Variants in TULP4 observed in about 807,000 individuals in gnomAD.
TULP4 encodes TUB like protein 4.
A neutral mutation model predicts 129.0 loss-of-function variants in TULP4; 16 were observed. The observed-to-expected ratio is 0.12, with a 90% confidence interval of 0.08 to 0.19. The LOEUF is 0.19. Ranked by LOEUF, TULP4 falls within the 10% of genes least tolerant of loss-of-function variation. The pLI, the probability that TULP4 is intolerant of heterozygous loss-of-function variation, is 1.00. For missense variants in TULP4, 1,842 were observed against 2,059.1 expected, an observed-to-expected ratio of 0.89 and a Z score of 2.04; for synonymous variants, 998 against 854.0, an observed-to-expected ratio of 1.17 and a Z score of -2.94.
In TULP4 at chr6:158,479,928, C is replaced by G; in HGVS notation, c.1204C>G (p.Pro402Ala). 6.2e-7 allele frequency: 1 copy of G among 1,611,166 alleles called. No homozygotes were observed. Among genetic ancestry groups the G allele is most frequent in the South Asian group, 1.1e-5 (1 of 91,056 alleles). The change falls in exon 7 of 14, where the codon CCC becomes GCC. Residue 402 changes from proline to alanine, a missense_variant. By Grantham distance (27) the Pro-to-Ala change is conservative. Transcript: ENST00000367097. ...DKDVSKLTLPPRLCSYLSTAF... is the reference protein window; with the variant it reads ...DKDVSKLTLPARLCSYLSTAF... ...GGACGTCAGCAAGCTGACTCTGCCC[C>G]CCCGCCTCTGCTCCTACCTCTCCAC...
chr6:158,259,681 T>C (rs569721917), intron 1 of TULP4, among the ~76,000 whole-genome samples: 1 of 152,366 alleles, frequency 6.6e-6, no homozygotes, highest in South Asian at 2.1e-4. Flanking sequence ...ACATGAGTTC[T>C]GCAAGGCTGC....
chr6:158,263,892 G>A (rs989180967), intron 1 of TULP4, among the ~76,000 whole-genome samples: 3 of 151,944 alleles, frequency 2.0e-5, no homozygotes, highest in Admixed American at 2.0e-4. Flanking sequence ...GTGAAATCTC[G>A]TCTCTACTAA....
chr6:158,495,856 AG>A (rs1231869078), intron 11 of TULP4, among the ~76,000 whole-genome samples: 1 of 151,310 alleles, frequency 6.6e-6, no homozygotes, highest in Non-Finnish European at 1.5e-5. Context: ...AAAAAAAAAA[AG>A]ATTAGCTGAC....
At chr6:158,363,070 A>AG (rs1476389203) in intron 1 of TULP4, among the ~76,000 whole-genome samples, 2 of 150,630 alleles carry the variant, frequency 1.3e-5, no homozygotes, top group Admixed American at 1.3e-4. Flanking sequence ...CTCAAAAAAA[A>AG]AAAAAAAAAA....
chr6:158,483,795 C>T (rs569947550), intron 8 of TULP4, among the ~76,000 whole-genome samples: 19 of 152,226 alleles, frequency 1.2e-4, no homozygotes, highest in Admixed American at 2.6e-4. Flanking sequence ...TACAAACATG[C>T]GACTTAATGG....
rs1765977730 is a variant in TULP4 at position 158,489,494 on chromosome 6, G to A, written c.1487-94G>A. ...CTCTAGGTCTAAAATGATGGCCTGT[G>A]GAGTCCGTCTGTCTTTTAGTTTATA... On this transcript the variant is annotated intron_variant, in intron 8 of 13. Coordinates refer to ENST00000367097, the MANE Select transcript of TULP4 (RefSeq NM_020245.5). 2.1e-5 allele frequency: 31 copies of A among 1,468,806 alleles called. 1 individual carries two copies. The South Asian group carries it at 3.7e-4, about 18-fold the overall frequency. 91.0% of individuals were successfully genotyped at this position (1,468,806 alleles called of 1,614,324 possible). A position where few individuals can be genotyped will look rare whatever the true frequency, so the allele number is the denominator to read the frequency against.
chr6:158,400,226 T>C (rs767922361), intron 1 of TULP4, among the ~76,000 whole-genome samples: 1 of 152,232 alleles, frequency 6.6e-6, no homozygotes, highest in Non-Finnish European at 1.5e-5. Context: ...TTTTATACAT[T>C]GGCATGATTT....
At chr6:158,263,357 G>A (rs763911472) in intron 1 of TULP4, among the ~76,000 whole-genome samples, 8 of 152,102 alleles carry the variant, frequency 5.3e-5, no homozygotes, top group South Asian at 2.1e-4. Flanking sequence ...ACCACTTAAC[G>A]TTTCAACCTC....
chr6:158,272,772 G>C (rs1281672784), intron 1 of TULP4, among the ~76,000 whole-genome samples: 1 of 152,198 alleles, frequency 6.6e-6, no homozygotes, highest in African/African-American at 2.4e-5. Flanking sequence ...AGTTTCTAGA[G>C]TGTTTCAGTC....
chr6:158,314,585 G>A (rs1475426355), intron 1 of TULP4, among the ~76,000 whole-genome samples: 2 of 152,146 alleles, frequency 1.3e-5, no homozygotes, highest in African/African-American at 2.4e-5. Context: ...TAACCAGGGT[G>A]GGGGGTTAAA....
intron 1 of TULP4, among the ~76,000 whole-genome samples, chr6:158,369,088 G>A (rs1170311615): frequency 2.0e-5 from 3 of 152,150 alleles, no homozygotes; most frequent in Non-Finnish European, 2.9e-5. Flanking sequence ...AGATTTTCAT[G>A]CAAAGGTCAT....
At chr6:158,283,640 G>A (rs1054810802) in intron 1 of TULP4, among the ~76,000 whole-genome samples, 12 of 152,132 alleles carry the variant, frequency 7.9e-5, no homozygotes, top group African/African-American at 2.9e-4. Flanking sequence ...CTCTTTATTG[G>A]TGGAAGTACC....
At position 158,484,655 on chromosome 6, in the gene TULP4, G is replaced by A. The variant is rs745897340; in HGVS notation, c.1486+3366G>A. Among the ~76,000 whole-genome samples the A allele has an allele frequency of 1.1e-4, 16 of 152,218 alleles. No homozygotes were observed. In the East Asian group the frequency reaches 1.4e-3, roughly 13 times the overall value. ...GAAGGAGAAAGAGATCTCTCACCAC[G>A]CACGTGCACCAAGGAGAGGACATAT... On this transcript the variant is annotated intron_variant, in intron 8 of 13. Transcript: ENST00000367097.
chr6:158,341,928 G>C (rs1780189698), intron 1 of TULP4, among the ~76,000 whole-genome samples: 2 of 151,976 alleles, frequency 1.3e-5, no homozygotes, highest in Non-Finnish European at 2.9e-5. Context: ...GTGATTCCCC[G>C]CCGCCTCTGA....
At chr6:158,348,937 C>A (rs557222164) in intron 1 of TULP4, among the ~76,000 whole-genome samples, 576 of 35,802 alleles carry the variant, frequency 0.016, 3 homozygotes, top group Middle Eastern at 0.068. Context: ...CACTCCTCAC[C>A]TCCCAGATGA....
intron 1 of TULP4, among the ~76,000 whole-genome samples, chr6:158,368,336 G>A (rs1003138376): frequency 2.6e-5 from 4 of 151,748 alleles, no homozygotes; most frequent in Non-Finnish European, 4.4e-5. Flanking sequence ...ACAGAGTCTC[G>A]CTGTCACCCA....
intron 1 of TULP4, among the ~76,000 whole-genome samples, chr6:158,391,303 G>C (rs957339225): frequency 1.3e-5 from 2 of 152,108 alleles, no homozygotes; most frequent in African/African-American, 4.8e-5. Context: ...TTGAAAAACT[G>C]AATAACCAGC....
intron 1 of TULP4, among the ~76,000 whole-genome samples, chr6:158,412,594 A>G (rs188512987): frequency 1.0e-3 from 156 of 152,292 alleles, no homozygotes; most frequent in African/African-American, 3.5e-3. Flanking sequence ...GATGATTTAG[A>G]TGCTAAACTA....
chr6:158,310,714 A>G (rs927159856), upstream of TULP4, among the ~76,000 whole-genome samples: 1 of 152,192 alleles, frequency 6.6e-6, no homozygotes, highest in African/African-American at 2.4e-5. Context: ...GGAGGGGCCA[A>G]ACATTCAAAC....
Sources: gnomAD v4.1 joint callset for allele counts (sites outside exome capture counted in the v4.1 genomes callset) on GRCh38, gnomAD v4.1.1 for gene constraint, MANE v1.5 for transcripts, NCBI Gene and HGNC (gene_info 2026-07-23, HGNC 2026-07-21) for gene names.